Variants in TXK observed in about 807,000 individuals in gnomAD.
TXK encodes the protein tyrosine-protein kinase TXK.
Under a neutral mutation model 81.0 loss-of-function variants are expected in TXK, and 60 were observed. The observed-to-expected ratio is 0.74, with a 90% CI of 0.60 to 0.92. The LOEUF (loss-of-function observed/expected upper bound fraction) is 0.92. Ranked by LOEUF, TXK falls within the 40% of genes least tolerant of loss-of-function variation. The pLI, the probability that TXK is intolerant of heterozygous loss-of-function variation, is 0.00. For synonymous variants in TXK, 203 were observed against 210.7 expected (o/e 0.96, Z 0.32); for missense variants, 581 against 638.3 (o/e 0.91, Z 0.97).
chr4:48,074,360 C>G (rs1716981518), intron 12 of TXK, among the ~76,000 whole-genome samples: 1 of 151,958 alleles, frequency 6.6e-6, no homozygotes, highest in Non-Finnish European at 1.5e-5. Flanking sequence ...GCTAAAGGCT[C>G]TAACAACCAA....
At chr4:48,071,759 T>C (rs1716868334) in intron 13 of TXK, 85 bp from the exon 14 acceptor site, 2 of 1,488,174 alleles carry the variant, frequency 1.3e-6, no homozygotes, top group Admixed American at 3.7e-5. Flanking sequence ...CTACAAGGCA[T>C]TATTTTTGTG....
chr4:48,076,562 CCT>C, intron 11 of TXK, 96 bp from the exon 12 acceptor site: 1 of 959,092 alleles, frequency 1.0e-6, no homozygotes, highest in Non-Finnish European at 1.6e-6. Flanking sequence ...CCCCACACTA[CCT>C]CTCTGTGTGT....
chr4:48,101,435 T>C (rs1044431081), intron 6 of TXK, among the ~76,000 whole-genome samples: 6 of 152,084 alleles, frequency 3.9e-5, no homozygotes, highest in African/African-American at 1.4e-4. Context: ...TAATGTAACC[T>C]TTATACTAAA....
intron 1 of TXK, among the ~76,000 whole-genome samples, chr4:48,128,892 A>C (rs532127949): frequency 1.6e-3 from 238 of 151,944 alleles, no homozygotes; most frequent in Non-Finnish European, 2.3e-3. Flanking sequence ...CCATTTCTTA[A>C]GGGCCTTTTG....
intron 1 of TXK, among the ~76,000 whole-genome samples, chr4:48,129,622 G>T (rs1341163654): frequency 6.6e-6 from 1 of 152,178 alleles, no homozygotes; most frequent in Non-Finnish European, 1.5e-5. Context: ...AAATCTTCCT[G>T]ATGATGACCG....
intron 1 of TXK, among the ~76,000 whole-genome samples, chr4:48,129,710 G>A (rs1719192046): frequency 6.6e-6 from 1 of 152,200 alleles, no homozygotes; most frequent in African/African-American, 2.4e-5. Context: ...TTTGGTCTAT[G>A]AGGCAATTTT....
intron 6 of TXK, among the ~76,000 whole-genome samples, chr4:48,098,426 T>G (rs1490766625): frequency 6.6e-6 from 1 of 152,210 alleles, no homozygotes; most frequent in Non-Finnish European, 1.5e-5. Context: ...AGTAATTGTG[T>G]TTTTTTCTAT....
intron 10 of TXK, among the ~76,000 whole-genome samples, chr4:48,082,139 T>C (rs1717324236): frequency 6.6e-6 from 1 of 152,214 alleles, no homozygotes. Flanking sequence ...CAATGTTTTG[T>C]TGTGGGACTA....
At chr4:48,117,171 A>G (rs1421301861) in intron 1 of TXK, among the ~76,000 whole-genome samples, 1 of 152,150 alleles carries the variant, frequency 6.6e-6, no homozygotes, top group Non-Finnish European at 1.5e-5. Flanking sequence ...TACAGTTATG[A>G]GTCACCGCGC....
chr4:48,125,958 TG>T (rs1356940742), intron 1 of TXK, among the ~76,000 whole-genome samples: 1 of 152,216 alleles, frequency 6.6e-6, no homozygotes, highest in African/African-American at 2.4e-5. Context: ...GGTGACCCAC[TG>T]TACTCCAAGT....
chr4:48,105,529 A>C (rs1053380210), intron 5 of TXK, among the ~76,000 whole-genome samples: 19 of 152,166 alleles, frequency 1.2e-4, no homozygotes, highest in African/African-American at 4.1e-4. Context: ...CTCCCAAAGC[A>C]GGGAGGATGG....
chr4:48,133,584 C>T (rs867108767), intron 1 of TXK, among the ~76,000 whole-genome samples: 21 of 152,080 alleles, frequency 1.4e-4, no homozygotes, highest in Non-Finnish European at 3.1e-4. Flanking sequence ...TCCTCGATAA[C>T]GGAAGTCTAC....
intron 7 of TXK, among the ~76,000 whole-genome samples, chr4:48,094,523 C>T (rs1717905018): frequency 1.3e-5 from 2 of 152,152 alleles, no homozygotes; most frequent in African/African-American, 4.8e-5. Context: ...AACACATGCA[C>T]TGTAAGCAAT....
At chr4:48,095,961 CT>C (rs760909250) in intron 6 of TXK, among the ~76,000 whole-genome samples, 100 of 152,294 alleles carry the variant, frequency 6.6e-4, no homozygotes, top group Non-Finnish European at 1.2e-3. Context: ...TGTGCTTATG[CT>C]CATGAAGAGG....
In TXK at chr4:48,117,608, C is replaced by A. The variant is rs571172679; in HGVS notation, c.17-3206G>T. 2.0e-5 allele frequency among the ~76,000 whole-genome samples: 3 copies of A among 152,258 alleles called. No individual in the cohort carries two copies. The East Asian group carries it at 5.8e-4, about 29-fold the overall frequency. On this transcript the variant is annotated intron_variant, in intron 1 of 14. Coordinates refer to ENST00000264316, the MANE Select transcript of TXK (RefSeq NM_003328.3). ...CTTGGCAACGGAATCTCCAAACCTACAAAAACCAAAGTCTCAGGGAAAGTA... is the reference window on the plus strand; with the variant it reads ...CTTGGCAACGGAATCTCCAAACCTAAAAAAACCAAAGTCTCAGGGAAAGTA...
At chr4:48,074,238 C>T (rs1485538918) in intron 12 of TXK, among the ~76,000 whole-genome samples, 185 bp from the exon 13 acceptor site, 1 of 152,150 alleles carries the variant, frequency 6.6e-6, no homozygotes, top group Non-Finnish European at 1.5e-5. Flanking sequence ...AACAAAGTCT[C>T]AATTGTATTT....
At chr4:48,080,629 T>C (rs1376156911) in intron 10 of TXK, among the ~76,000 whole-genome samples, 1 of 149,860 alleles carries the variant, frequency 6.7e-6, no homozygotes, top group African/African-American at 2.4e-5. Context: ...AAAAAACATT[T>C]ACCAACATGA....
chr4:48,124,710 G>A (rs1218888372), intron 1 of TXK, among the ~76,000 whole-genome samples: 1 of 151,904 alleles, frequency 6.6e-6, no homozygotes, highest in African/African-American at 2.4e-5. Flanking sequence ...CATTTGTGGG[G>A]GCTCATAAGT....
Position 48,105,106 on chromosome 4 carries a change from T to C in TXK, c.447-151A>G, listed in dbSNP as rs1364086594. 1.9e-5 allele frequency: 10 copies of C among 529,482 alleles called. No individual in the cohort carries two copies. In the East Asian group the frequency reaches 2.9e-4, roughly 16 times the overall value. The allele number at this position is 529,482 out of a possible 1,614,324, so 32.8% of individuals were successfully genotyped here. On this transcript the variant is annotated intron_variant, in intron 5 of 14. Coordinates refer to ENST00000264316, the MANE Select transcript of TXK (RefSeq NM_003328.3). ...AATTCAGATAAACAATAATATACTATTGTGGGTTAATTAAGTTTAAAATAA... is the reference window on the plus strand; with the variant it reads ...AATTCAGATAAACAATAATATACTACTGTGGGTTAATTAAGTTTAAAATAA...
Sources: allele counts gnomAD v4.1 joint callset (sites outside exome capture counted in the v4.1 genomes callset), GRCh38; gene constraint gnomAD v4.1.1; transcripts MANE v1.5; gene names NCBI Gene and HGNC (gene_info 2026-07-23, HGNC 2026-07-21).